LRRC49: variants seen among roughly 807,000 people sequenced by gnomAD.
LRRC49 encodes leucine-rich repeat-containing protein 49.
Under a neutral mutation model 83.3 loss-of-function variants are expected in LRRC49, and 50 were observed. That is an observed-to-expected ratio of 0.60 (90% CI 0.48 to 0.76). The LOEUF is 0.76. Among genes scored for constraint, LRRC49 ranks in the 30% least tolerant of loss-of-function variants. The pLI, the probability that LRRC49 is intolerant of heterozygous loss-of-function variation, is 0.00. For missense variants in LRRC49, 704 were observed against 809.1 expected, an observed-to-expected ratio of 0.87 and a Z score of 1.58; for synonymous variants, 286 against 283.3, an observed-to-expected ratio of 1.01 and a Z score of -0.10.
intron 6 of LRRC49, among the ~76,000 whole-genome samples, chr15:70,917,280 T>C (rs1487190582): frequency 6.6e-6 from 1 of 152,186 alleles, no homozygotes. Flanking sequence ...GGTGACTCCC[T>C]ACCTTCAGGC....
intron 14 of LRRC49, among the ~76,000 whole-genome samples, chr15:71,018,740 G>C (rs1369770731): frequency 6.6e-6 from 1 of 152,102 alleles, no homozygotes; most frequent in Non-Finnish European, 1.5e-5. Context: ...CAGGTTGAAA[G>C]ATCATTCCCA....
At chr15:71,001,458 C>T (rs1246810568) in intron 11 of LRRC49, among the ~76,000 whole-genome samples, 2 of 152,108 alleles carry the variant, frequency 1.3e-5, no homozygotes, top group East Asian at 1.9e-4. Flanking sequence ...ATTTGGCTGC[C>T]ATCTTTTTCT....
At chr15:70,984,042 C>G in intron 10 of LRRC49, 52 bp from the exon 11 acceptor site, 1 of 1,450,436 alleles carries the variant, frequency 6.9e-7, no homozygotes, top group South Asian at 1.2e-5. Context: ...GATGTCACTT[C>G]TGCTACAAAA....
chr15:70,949,099 T>G (rs878953254), intron 8 of LRRC49, among the ~76,000 whole-genome samples: 2 of 152,206 alleles, frequency 1.3e-5, no homozygotes, highest in Non-Finnish European at 2.9e-5. Flanking sequence ...TTTCTAACCA[T>G]TTTAAAACAT....
intron 9 of LRRC49, among the ~76,000 whole-genome samples, chr15:70,976,551 G>C (rs1379946814): frequency 6.6e-6 from 1 of 152,034 alleles, no homozygotes; most frequent in Non-Finnish European, 1.5e-5. Flanking sequence ...CTTAATATCT[G>C]CTAACAAAGT....
chr15:70,911,110 T>A (rs2034531006), intron 5 of LRRC49, among the ~76,000 whole-genome samples: 1 of 152,166 alleles, frequency 6.6e-6, no homozygotes, highest in African/African-American at 2.4e-5. Flanking sequence ...CTTGCCAGGT[T>A]AGAGACACAG....
chr15:70,859,396 T>C, intron 1 of LRRC49: 1 of 758,920 alleles, frequency 1.3e-6, no homozygotes, highest in South Asian at 1.4e-5. Context: ...GGCAGCTGTT[T>C]GAAGAGGAGA....
At chr15:70,963,964 G>A (rs757409332) in intron 9 of LRRC49, 32 bp downstream of exon 9, 1 of 1,597,996 alleles carries the variant, frequency 6.3e-7, no homozygotes, top group African/African-American at 1.3e-5. Context: ...TCACCATGTT[G>A]TTGTCCTTAG....
At chr15:70,973,125 C>T (rs947482339) in intron 9 of LRRC49, among the ~76,000 whole-genome samples, 5 of 152,110 alleles carry the variant, frequency 3.3e-5, no homozygotes, top group African/African-American at 1.2e-4. Context: ...GTGGATTTAT[C>T]CACCTTTGGT....
chr15:71,042,032 C>G lies in LRRC49; in HGVS notation c.1857+4700C>G, dbSNP rs116437942. Among the ~76,000 whole-genome samples, 275 of 152,202 alleles carry G rather than the reference C, an allele frequency of 1.8e-3. 1 individual carries two copies. The highest frequency in any genetic ancestry group is 6.5e-3 in the African/African-American group (271 of 41,530). On this transcript the variant is annotated intron_variant, in intron 15 of 15. Transcript: ENST00000260382. ...ACCCAAGTATTAAAAGCAAAAGTTTCAAGTTTTTATTTTAATAAGAAGAGA... is the reference window on the plus strand; with the variant it reads ...ACCCAAGTATTAAAAGCAAAAGTTTGAAGTTTTTATTTTAATAAGAAGAGA...
chr15:71,012,955 C>T, intron 14 of LRRC49, 42 bp downstream of exon 14: 1 of 1,259,304 alleles, frequency 7.9e-7, no homozygotes, highest in Non-Finnish European at 1.1e-6. Context: ...ATTACTGTTA[C>T]ACTAGAAAAA....
At chr15:70,962,964 G>C (rs763961996) in intron 8 of LRRC49, among the ~76,000 whole-genome samples, 1 of 151,960 alleles carries the variant, frequency 6.6e-6, no homozygotes, top group African/African-American at 2.4e-5. Flanking sequence ...ACAGTAATAA[G>C]TCATATTAAT....
At chr15:71,026,971 C>A (rs1315381599) in intron 14 of LRRC49, among the ~76,000 whole-genome samples, 1 of 152,096 alleles carries the variant, frequency 6.6e-6, no homozygotes, top group Non-Finnish European at 1.5e-5. Context: ...TCAATTTTGG[C>A]TTTTGTTGCC....
At chr15:70,862,406 G>A (rs1052405008) in intron 1 of LRRC49, among the ~76,000 whole-genome samples, 19 of 151,658 alleles carry the variant, frequency 1.3e-4, no homozygotes, top group African/African-American at 3.6e-4. Flanking sequence ...GTGAAACCCC[G>A]TCTCTACTAA....
intron 1 of LRRC49, among the ~76,000 whole-genome samples, chr15:70,855,284 G>A (rs1424539935): frequency 2.0e-5 from 3 of 148,820 alleles, no homozygotes; most frequent in Non-Finnish European, 4.4e-5. Context: ...GTGGTGAGCC[G>A]AGATTGTGCC....
In LRRC49 at chr15:70,904,561, G is replaced by T; in HGVS notation, c.306G>T (p.Leu102=). The T allele has an allele frequency of 6.2e-7, 1 of 1,610,952 alleles. No homozygotes were observed. The highest frequency in any genetic ancestry group is 1.1e-5 in the South Asian group (1 of 90,502). The change falls in exon 5 of 16, where the codon CTG becomes CTT. Residue 102 remains leucine (L), a synonymous_variant. Coordinates refer to ENST00000260382, the MANE Select transcript of LRRC49 (RefSeq NM_017691.5). Reference sequence around the variant, plus strand: ...TTAACATTTTTTCTAGACAAAAGCTGACCGTATGTCCTATCATCAATGGGG... The same window carrying T: ...TTAACATTTTTTCTAGACAAAAGCTTACCGTATGTCCTATCATCAATGGGG... ...SDRLSLERQK[L]TVCPIINGED...
At chr15:70,872,363 T>C (rs1308435241) in intron 1 of LRRC49, among the ~76,000 whole-genome samples, 1 of 146,760 alleles carries the variant, frequency 6.8e-6, no homozygotes, top group East Asian at 2.0e-4. Flanking sequence ...TAGCCTCGGC[T>C]CGGCATCAGA....
At chr15:70,894,387 A>C (rs992733857) in intron 2 of LRRC49, among the ~76,000 whole-genome samples, 1 of 152,208 alleles carries the variant, frequency 6.6e-6, no homozygotes, top group Non-Finnish European at 1.5e-5. Flanking sequence ...GAAGAAAAAA[A>C]TAGGTTAGCA....
chr15:71,048,550 C>T (rs984900048), intron 15 of LRRC49, among the ~76,000 whole-genome samples: 2 of 151,978 alleles, frequency 1.3e-5, no homozygotes, highest in Non-Finnish European at 2.9e-5. Context: ...GCATTACTTC[C>T]CTTGTAATTC....
Sources: gnomAD v4.1 joint callset for allele counts (sites outside exome capture counted in the v4.1 genomes callset) on GRCh38, gnomAD v4.1.1 for gene constraint, MANE v1.5 for transcripts, NCBI Gene and HGNC (gene_info 2026-07-23, HGNC 2026-07-21) for gene names.